AP3S2: variants seen among roughly 807,000 people sequenced by gnomAD.
AP3S2 encodes adaptor related protein complex 3 subunit sigma 2.
A neutral mutation model predicts 23.4 loss-of-function variants in AP3S2; 22 were observed. That is an observed-to-expected ratio of 0.94 (90% CI 0.67 to 1.34). The LOEUF is 1.34. AP3S2 is among the 40% of genes most tolerant of loss of function. The pLI, the probability that AP3S2 is intolerant of heterozygous loss-of-function variation, is 0.00. For missense variants in AP3S2, 241 were observed against 236.9 expected, an observed-to-expected ratio of 1.02 and a Z score of -0.11; for synonymous variants, 86 against 87.1, an observed-to-expected ratio of 0.99 and a Z score of 0.07.
chr15:89,892,489 T>C (rs1001834609), intron 1 of AP3S2, among the ~76,000 whole-genome samples: 5 of 151,988 alleles, frequency 3.3e-5, no homozygotes, highest in East Asian at 3.9e-4. Flanking sequence ...CTGGGCAACA[T>C]AGAAAGACCC....
chr15:89,859,541 C>T (rs1895960314), intron 4 of AP3S2, among the ~76,000 whole-genome samples: 1 of 150,948 alleles, frequency 6.6e-6, no homozygotes, highest in Admixed American at 6.6e-5. Flanking sequence ...ATTAAAGGTG[C>T]ACGCCACCAC....
rs149785013 is a variant in AP3S2 at position 89,858,438 on chromosome 15, T to A, written c.345+13037A>T. On this transcript the variant is annotated intron_variant, in intron 4 of 5. Transcript: ENST00000336418. ...CCTGGGCAACAAGAGCGAAACTCCA[T>A]CTCAAAAAAAGAAAGAAAAAGAAAG... is the stretch of plus-strand genomic sequence containing the variant. Among the ~76,000 whole-genome samples the A allele has an allele frequency of 8.9e-4, 125 of 140,578 alleles. No individual in the cohort carries two copies. In the East Asian group the frequency reaches 0.021, roughly 24 times the overall value. 92.2% of individuals were successfully genotyped at this position (140,578 alleles called of 152,430 possible).
Position 89,834,322 on chromosome 15 carries a change from T to C in AP3S2, c.*1193A>G, listed in dbSNP as rs1364561844. Reference sequence around the variant, plus strand: ...AAACCTTCTGCTCTCATGAGGAGAATGTATTTTAAACTTGGGAAGAGTCAT... The same window carrying C: ...AAACCTTCTGCTCTCATGAGGAGAACGTATTTTAAACTTGGGAAGAGTCAT... On this transcript the variant is annotated 3_prime_UTR_variant, in exon 6 of 6. Coordinates refer to ENST00000336418, the MANE Select transcript of AP3S2 (RefSeq NM_005829.5). The C allele has an allele frequency of 6.6e-6, 1 of 152,216 alleles. No individual in the cohort carries two copies. The highest frequency in any genetic ancestry group is 1.9e-4 in the East Asian group (1 of 5,192). The allele number at this position is 152,216 out of a possible 1,614,324, so 9.4% of individuals were successfully genotyped here.
chr15:89,877,183 G>A, intron 3 of AP3S2: 1 of 527,434 alleles, frequency 1.9e-6, no homozygotes. Context: ...AGGAAGTACT[G>A]TATTTAGAAA....
At chr15:89,856,726 C>T (rs1169957025) in intron 4 of AP3S2, among the ~76,000 whole-genome samples, 1 of 127,172 alleles carries the variant, frequency 7.9e-6, no homozygotes, top group Non-Finnish European at 1.6e-5. Context: ...AAAAAATATT[C>T]GCTGGGCGTG....
chr15:89,854,519 T>TG (rs1244939388), intron 4 of AP3S2, among the ~76,000 whole-genome samples: 22 of 33,274 alleles, frequency 6.6e-4, no homozygotes, highest in African/African-American at 2.0e-3. Flanking sequence ...GGGAGGGAGG[T>TG]GGGGGGGGTC....
intron 3 of AP3S2, among the ~76,000 whole-genome samples, chr15:89,875,078 T>C (rs1896411041): frequency 6.6e-6 from 1 of 152,218 alleles, no homozygotes; most frequent in Non-Finnish European, 1.5e-5. Flanking sequence ...CTGGGTGCCA[T>C]CCAGGCCCCC....
chr15:89,878,221 G>GAAAA, intron 3 of AP3S2: 2 of 528,742 alleles, frequency 3.8e-6, no homozygotes, highest in East Asian at 3.5e-5. Context: ...TTCTCCAAAG[G>GAAAA]AAAAAAAAAA....
At position 89,865,462 on chromosome 15, in the gene AP3S2, T is replaced by G. The variant is rs990162779; in HGVS notation, c.345+6013A>C. On this transcript the variant is annotated intron_variant, in intron 4 of 5. Coordinates refer to ENST00000336418, the MANE Select transcript of AP3S2 (RefSeq NM_005829.5). ...ATTACCACACTGAGAATATAAACCT[T>G]TGGTGAGCATACAGAGCACTGGGAA... 3 of 152,336 alleles carry G rather than the reference T, an allele frequency of 2.0e-5. No individual in the cohort carries two copies. In the South Asian group the frequency reaches 6.2e-4, roughly 32 times the overall value. The allele number at this position is 152,336 out of a possible 1,614,324, so 9.4% of individuals were successfully genotyped here.
intron 4 of AP3S2, among the ~76,000 whole-genome samples, chr15:89,867,204 G>C (rs1001939310): frequency 2.0e-5 from 3 of 149,520 alleles, no homozygotes; most frequent in African/African-American, 7.3e-5. Flanking sequence ...GGTGGAGACG[G>C]GGTTTCGCTG....
At chr15:89,846,214 T>C (rs1035427868) in intron 4 of AP3S2, among the ~76,000 whole-genome samples, 1 of 152,234 alleles carries the variant, frequency 6.6e-6, no homozygotes, top group African/African-American at 2.4e-5. Context: ...CTCTGTCCTA[T>C]TTAAATTTTT....
At chr15:89,877,286 C>T (rs1896464925) in intron 3 of AP3S2, 1 of 1,307,898 alleles carries the variant, frequency 7.6e-7, no homozygotes, top group East Asian at 4.6e-5. Context: ...GAAATGGATG[C>T]AGTTTGAAAA....
In AP3S2 at chr15:89,893,944, A is replaced by G. The variant is rs1294357803; in HGVS notation, c.6T>C (p.Ile2=). The change falls in exon 1 of 6, where the codon ATT becomes ATC. Residue 2 remains isoleucine, a synonymous_variant. Transcript: ENST00000336418. M[I]QAILVFNNHG... is the part of the protein sequence containing the mutation. ...GGTTGTTGAAAACCAGAATCGCCTG[A>G]ATCATCTTTGCCAGCCACGGTTCTC... The G allele has an allele frequency of 2.6e-6, 4 of 1,551,564 alleles. No individual in the cohort carries two copies. Among genetic ancestry groups the G allele is most frequent in the Non-Finnish European group, 3.5e-6 (4 of 1,146,968 alleles).
intron 5 of AP3S2, among the ~76,000 whole-genome samples, chr15:89,837,329 A>T (rs1165122214): frequency 6.6e-6 from 1 of 152,044 alleles, no homozygotes; most frequent in East Asian, 1.9e-4. Context: ...CAAACCACAA[A>T]CATGGGCCAT....
intron 4 of AP3S2, among the ~76,000 whole-genome samples, chr15:89,862,498 A>C (rs891410543): frequency 2.0e-5 from 3 of 152,340 alleles, no homozygotes; most frequent in Non-Finnish European, 4.4e-5. Flanking sequence ...CAGGAAAAAA[A>C]GTATATATGT....
At chr15:89,878,930 T>C (rs1481625405) in intron 3 of AP3S2, among the ~76,000 whole-genome samples, 1 of 152,170 alleles carries the variant, frequency 6.6e-6, no homozygotes, top group African/African-American at 2.4e-5. Flanking sequence ...GTACTTTTAG[T>C]AGAGACGAGG....
intron 3 of AP3S2, among the ~76,000 whole-genome samples, chr15:89,880,792 T>C (rs1896553998): frequency 6.6e-6 from 1 of 152,160 alleles, no homozygotes; most frequent in African/African-American, 2.4e-5. Flanking sequence ...TAAATCCAAT[T>C]ATGTATTAAA....
chr15:89,892,765 G>A (rs927072295), intron 1 of AP3S2, among the ~76,000 whole-genome samples: 15 of 152,204 alleles, frequency 9.9e-5, no homozygotes, highest in Non-Finnish European at 2.1e-4. Flanking sequence ...CCGGGCTCAC[G>A]CCATTCTCCT....
intron 4 of AP3S2, among the ~76,000 whole-genome samples, chr15:89,856,883 AAAAAGAAAAG>A (rs535526968): frequency 4.0e-5 from 6 of 149,814 alleles, no homozygotes; most frequent in Non-Finnish European, 2.9e-5. Flanking sequence ...AAAAAAAAAA[AAAAAGAAAAG>A]AAAAGAAAAG....
Sources: allele counts gnomAD v4.1 joint callset (sites outside exome capture counted in the v4.1 genomes callset), GRCh38; gene constraint gnomAD v4.1.1; transcripts MANE v1.5; gene names NCBI Gene and HGNC (gene_info 2026-07-23, HGNC 2026-07-21).